SEMA3E: variants seen among roughly 807,000 people sequenced by gnomAD.
SEMA3E encodes the protein semaphorin-3E.
A neutral mutation model predicts 93.6 loss-of-function variants in SEMA3E; 49 were observed. The observed-to-expected ratio is 0.52, with a 90% CI of 0.42 to 0.66. The LOEUF (loss-of-function observed/expected upper bound fraction) is 0.66. Ranked by LOEUF, SEMA3E falls within the 30% of genes least tolerant of loss-of-function variation. The probability of loss-of-function intolerance (pLI) is 0.00; values close to 1 mark genes in which losing one functional copy is unlikely to be tolerated. For missense variants in SEMA3E, 906 were observed against 964.8 expected (o/e 0.94, Z 0.81); for synonymous variants, 363 against 330.7 (o/e 1.10, Z -1.06).
chr7:83,608,956 C>T (rs1052456591), intron 1 of SEMA3E, among the ~76,000 whole-genome samples: 1 of 151,898 alleles, frequency 6.6e-6, no homozygotes, highest in Non-Finnish European at 1.5e-5. Context: ...GGGAGTCCTG[C>T]CAAGAAGTAA....
intron 11 of SEMA3E, among the ~76,000 whole-genome samples, chr7:83,398,243 A>G (rs988028938): frequency 1.3e-5 from 2 of 152,178 alleles, no homozygotes; most frequent in Admixed American, 6.5e-5. Flanking sequence ...ACAAGCAAGT[A>G]TTTCTAAAAA....
intron 1 of SEMA3E, among the ~76,000 whole-genome samples, chr7:83,550,177 T>C (rs1468054735): frequency 6.6e-6 from 1 of 152,160 alleles, no homozygotes; most frequent in East Asian, 1.9e-4. Context: ...ATTGACTATA[T>C]AGGTCGCCTA....
intron 1 of SEMA3E, among the ~76,000 whole-genome samples, chr7:83,570,361 G>A (rs1443119263): frequency 4.7e-5 from 7 of 150,458 alleles, no homozygotes; most frequent in East Asian, 3.9e-4. Flanking sequence ...AGACCATCCC[G>A]GCTAAAACGG....
At chr7:83,370,675 C>G (rs1298376682) in intron 16 of SEMA3E, among the ~76,000 whole-genome samples, 1 of 152,084 alleles carries the variant, frequency 6.6e-6, no homozygotes. Flanking sequence ...AATTAAATAT[C>G]ATCTTCCCAA....
chr7:83,495,738 G>A (rs1005839340), intron 1 of SEMA3E, among the ~76,000 whole-genome samples: 1 of 151,946 alleles, frequency 6.6e-6, no homozygotes, highest in Non-Finnish European at 1.5e-5. Context: ...TTCATTAAAT[G>A]TTCAAAGGAA....
At chr7:83,460,185 T>C (rs1241941112) in intron 4 of SEMA3E, among the ~76,000 whole-genome samples, 1 of 152,116 alleles carries the variant, frequency 6.6e-6, no homozygotes, top group Admixed American at 6.5e-5. Context: ...CTCCTGTTCT[T>C]TGCTCCATGA....
chr7:83,596,960 C>T (rs1792888663), intron 1 of SEMA3E, among the ~76,000 whole-genome samples: 1 of 152,108 alleles, frequency 6.6e-6, no homozygotes, highest in Non-Finnish European at 1.5e-5. Flanking sequence ...TTGAGTTGTT[C>T]CAATTACAGT....
intron 1 of SEMA3E, among the ~76,000 whole-genome samples, chr7:83,523,498 A>G (rs1262623496): frequency 6.6e-6 from 1 of 152,080 alleles, no homozygotes; most frequent in Non-Finnish European, 1.5e-5. Context: ...AGGTAATCAA[A>G]CAGCCCTATC....
intron 4 of SEMA3E, among the ~76,000 whole-genome samples, chr7:83,444,741 G>T (rs1789190154): frequency 6.7e-6 from 1 of 150,336 alleles, no homozygotes; most frequent in Non-Finnish European, 1.5e-5. Context: ...CTCAGTCTCG[G>T]CTCACTGCAA....
At position 83,364,717 on chromosome 7, in the gene SEMA3E, T is replaced by C. The variant is rs1794640594; in HGVS notation, c.*2869A>G. On this transcript the variant is annotated 3_prime_UTR_variant, in exon 17 of 17. Transcript: ENST00000643230. The stretch of plus-strand genomic sequence containing the variant: ...CACAGGTCCTCTCCTGTAACAAAGA[T>C]AGAAGAGGTCTAAAGAAGCAGGAGA... 6.6e-6 allele frequency: 1 copy of C among 152,330 alleles called. No homozygotes were observed. Among genetic ancestry groups the C allele is most frequent in the Non-Finnish European group, 1.5e-5 (1 of 68,040 alleles). The allele number at this position is 152,330 out of a possible 1,614,324, so 9.4% of individuals were successfully genotyped here.
chr7:83,543,133 G>T, intron 1 of SEMA3E, among the ~76,000 whole-genome samples: 1 of 152,018 alleles, frequency 6.6e-6, no homozygotes, highest in East Asian at 1.9e-4. Context: ...TGCTCAGTAA[G>T]TGATGGTTAT....
chr7:83,466,634 A>T, intron 3 of SEMA3E, 33 bp from the exon 4 acceptor site: 3 of 1,609,960 alleles, frequency 1.9e-6, no homozygotes, highest in Non-Finnish European at 2.5e-6. Flanking sequence ...GGAATCTATC[A>T]GTATAATAAA....
chr7:83,643,157 A>G (rs1794036408), intron 1 of SEMA3E, among the ~76,000 whole-genome samples: 1 of 152,064 alleles, frequency 6.6e-6, no homozygotes, highest in African/African-American at 2.4e-5. Flanking sequence ...AACTGAGGCC[A>G]CCAAGTGATC....
chr7:83,625,382 T>C (rs899842307), intron 1 of SEMA3E, among the ~76,000 whole-genome samples: 5 of 152,202 alleles, frequency 3.3e-5, no homozygotes, highest in African/African-American at 4.8e-5. Context: ...CATTTGTTTG[T>C]GTCCTCTCTT....
chr7:83,411,055 G>T (rs1372091085), intron 5 of SEMA3E, among the ~76,000 whole-genome samples: 1 of 151,632 alleles, frequency 6.6e-6, no homozygotes, highest in Non-Finnish European at 1.5e-5. Flanking sequence ...ATTTTTATGG[G>T]AAAATAATAT....
rs1794683519 is a variant in SEMA3E, at chr7:83,367,314, G to C, written c.*272C>G. On this transcript the variant is annotated 3_prime_UTR_variant, in exon 17 of 17. Coordinates refer to ENST00000643230, the MANE Select transcript of SEMA3E (RefSeq NM_012431.3). ...AAATAATAATTTTCACAGAAAAGCA[G>C]CCAAGTACTGAAAATAACAGCTACA... is the stretch of plus-strand genomic sequence containing the variant. The C allele has an allele frequency of 2.8e-6, 1 of 354,024 alleles. No individual in the cohort carries two copies. The highest frequency in any genetic ancestry group is 5.1e-6 in the Non-Finnish European group (1 of 195,672). 21.9% of individuals were successfully genotyped at this position (354,024 alleles called of 1,614,324 possible).
intron 3 of SEMA3E, among the ~76,000 whole-genome samples, chr7:83,468,658 G>A (rs779203077): frequency 1.3e-4 from 20 of 152,134 alleles, no homozygotes; most frequent in Middle Eastern, 6.8e-3. Flanking sequence ...GCCACTGCTC[G>A]CATGTGAAAG....
At chr7:83,465,533 T>C (rs1789737257) in intron 4 of SEMA3E, among the ~76,000 whole-genome samples, 1 of 152,216 alleles carries the variant, frequency 6.6e-6, no homozygotes, top group Non-Finnish European at 1.5e-5. Context: ...TCAGAAATAA[T>C]ATTTTAGTGG....
chr7:83,501,346 C>T (rs563623146), intron 1 of SEMA3E, among the ~76,000 whole-genome samples: 134 of 152,256 alleles, frequency 8.8e-4, no homozygotes, highest in South Asian at 2.7e-3. Context: ...AAATACATTT[C>T]GGTTTTATCT....
Sources: gnomAD v4.1 joint callset for allele counts (sites outside exome capture counted in the v4.1 genomes callset) on GRCh38, gnomAD v4.1.1 for gene constraint, MANE v1.5 for transcripts, NCBI Gene and HGNC (gene_info 2026-07-23, HGNC 2026-07-21) for gene names.